TACC1: variants seen among roughly 807,000 people sequenced by gnomAD.
The protein encoded by TACC1 is transforming acidic coiled-coil containing protein 1.
In TACC1, 48 loss-of-function variants were observed where a neutral mutation model predicts 84.4. The observed-to-expected ratio is 0.57, with a 90% CI of 0.45 to 0.72. The LOEUF (loss-of-function observed/expected upper bound fraction) is 0.72. TACC1 is among the 30% of genes least tolerant of loss of function. TACC1 has a pLI of 0.00. For synonymous variants in TACC1, 372 were observed against 376.3 expected (o/e 0.99, Z 0.13); for missense variants, 920 against 973.0 (o/e 0.95, Z 0.72).
chr8:38,800,974 GT>G (rs1821219163), intron 2 of TACC1, among the ~76,000 whole-genome samples: 1 of 152,006 alleles, frequency 6.6e-6, no homozygotes, highest in Non-Finnish European at 1.5e-5. Flanking sequence ...TTTGCATTTG[GT>G]TTTCATTTGC....
At chr8:38,797,286 G>A (rs1314769677) in intron 2 of TACC1, among the ~76,000 whole-genome samples, 2 of 152,246 alleles carry the variant, frequency 1.3e-5, no homozygotes, top group East Asian at 1.9e-4. Context: ...GTACCAGGAG[G>A]TGAGACATAT....
At position 38,851,890 on chromosome 8, in the gene TACC1, T is replaced by C. The variant is rs150634182; in HGVS notation, c.*3867T>C. On this transcript the variant is annotated 3_prime_UTR_variant, in exon 13 of 13. Coordinates refer to ENST00000317827, the MANE Select transcript of TACC1 (RefSeq NM_006283.3). ...CTAAGAAGTCATCTCCTTCAAATAC[T>C]TTAATAAAGAAGTATTTCGAGGAGA... The C allele has an allele frequency of 1.1e-4, 49 of 455,920 alleles. No homozygotes were observed. The East Asian group carries it at 3.4e-3, about 32-fold the overall frequency. 28.2% of individuals were successfully genotyped at this position (455,920 alleles called of 1,614,324 possible).
At chr8:38,797,861 T>C (rs1820355659) in intron 2 of TACC1, among the ~76,000 whole-genome samples, 1 of 152,194 alleles carries the variant, frequency 6.6e-6, no homozygotes, top group Non-Finnish European at 1.5e-5. Context: ...GGGAGAAGTT[T>C]TGTGGGGAGG....
At chr8:38,741,288 T>C (rs1462286393) in intron 1 of TACC1, among the ~76,000 whole-genome samples, 2 of 151,950 alleles carry the variant, frequency 1.3e-5, no homozygotes, top group Non-Finnish European at 1.5e-5. Context: ...CCCAAGTAGC[T>C]AGGATTACAG....
chr8:38,785,210 G>A (rs1233804735), upstream of TACC1, among the ~76,000 whole-genome samples: 1 of 152,194 alleles, frequency 6.6e-6, no homozygotes, highest in Non-Finnish European at 1.5e-5. Flanking sequence ...TGTTCCCGAA[G>A]CAGTAAGCAG....
intron 2 of TACC1, among the ~76,000 whole-genome samples, chr8:38,804,230 A>C (rs1249012299): frequency 6.6e-6 from 1 of 152,020 alleles, no homozygotes; most frequent in African/African-American, 2.4e-5. Flanking sequence ...TCTAGAACAA[A>C]TTTTCATTAA....
chr8:38,777,282 AC>A (rs1469968220), intron 3 of TACC1, among the ~76,000 whole-genome samples: 1 of 150,096 alleles, frequency 6.7e-6, no homozygotes, highest in African/African-American at 2.4e-5. Flanking sequence ...GAGAAGATAG[AC>A]TTTTCTCTCT....
chr8:38,763,507 T>C (rs1477418003), intron 3 of TACC1, among the ~76,000 whole-genome samples: 2 of 152,166 alleles, frequency 1.3e-5, no homozygotes, highest in East Asian at 3.8e-4. Flanking sequence ...CTAAGGATTT[T>C]AGGAGTTGCA....
chr8:38,746,450 G>T (rs1808108049), intron 3 of TACC1, among the ~76,000 whole-genome samples: 1 of 152,090 alleles, frequency 6.6e-6, no homozygotes, highest in Non-Finnish European at 1.5e-5. Context: ...GAAGTGTTTG[G>T]TTATTATTTC....
At chr8:38,839,805 T>A (rs888537700) in intron 8 of TACC1, 13 of 159,810 alleles carry the variant, frequency 8.1e-5, no homozygotes, top group Admixed American at 1.3e-4. Flanking sequence ...AGAGGTAGAG[T>A]GTCTGAAAGG....
intron 7 of TACC1, among the ~76,000 whole-genome samples, chr8:38,838,219 C>G (rs1236351570): frequency 6.6e-6 from 1 of 152,244 alleles, no homozygotes; most frequent in African/African-American, 2.4e-5. Context: ...GTAAAGTTCA[C>G]AGAGGCTGTA....
In TACC1 at chr8:38,819,897, C is replaced by G. The variant is rs1404518478; in HGVS notation, c.653C>G (p.Ser218Cys). ...GAAGCTGATCTAAAAGCTGGCAACT[C>G]CTGTCCAGAGCTTGTGCCCAGCAGA... The part of the protein sequence containing the change: ...SAEADLKAGN[S>C]CPELVPSRRS... The change falls in exon 3 of 13, where the codon TCC (serine) becomes TGC (cysteine). Residue 218 changes from serine (S) to cysteine (C), a missense_variant. By Grantham distance (112) the Ser-to-Cys change is moderately radical. Around this residue, in one of 2 missense-constraint regions of TACC1, gnomAD observed 762 missense variants for 747.3 expected, o/e 1.02. Transcript: ENST00000317827. 3.1e-6 allele frequency: 5 copies of G among 1,614,082 alleles called. No homozygotes were observed. Among genetic ancestry groups the G allele is most frequent in the Non-Finnish European group, 4.2e-6 (5 of 1,180,056 alleles).
At position 38,836,178 on chromosome 8, in the gene TACC1, C is replaced by G. The variant is rs766032429; in HGVS notation, c.1730C>G (p.Ser577Cys). ...GSTVLGLLES[S>C]AEKAPVSVSC... ...TCCCCACAGGGGCTGCTGGAGTCCT[C>G]TGCAGAGAAGGCCCCTGTGTCGGTG... The change falls in exon 7 of 13, where the codon TCT becomes TGT. Residue 577 changes from serine to cysteine, a missense_variant. Coordinates refer to ENST00000317827, the MANE Select transcript of TACC1 (RefSeq NM_006283.3). 8 of 1,613,262 alleles carry G rather than the reference C, an allele frequency of 5.0e-6. No homozygotes were observed. The highest frequency in any genetic ancestry group is 6.8e-6 in the Non-Finnish European group (8 of 1,179,742).
At chr8:38,823,296 A>G (rs2152235030) in intron 3 of TACC1, among the ~76,000 whole-genome samples, 1 of 152,290 alleles carries the variant, frequency 6.6e-6, no homozygotes, top group East Asian at 1.9e-4. Context: ...TGGTTGTTGG[A>G]AAATATTATT....
intron 3 of TACC1, among the ~76,000 whole-genome samples, chr8:38,752,326 C>T (rs1809192286): frequency 6.6e-6 from 1 of 152,016 alleles, no homozygotes; most frequent in Admixed American, 6.6e-5. Flanking sequence ...AAAAAATTAG[C>T]CAGATGTGGT....
intron 3 of TACC1, among the ~76,000 whole-genome samples, chr8:38,774,849 A>G (rs901309645): frequency 6.6e-6 from 1 of 152,032 alleles, no homozygotes; most frequent in Non-Finnish European, 1.5e-5. Context: ...CCTCTCTACT[A>G]AAAATACAAA....
intron 5 of TACC1, 94 bp downstream of exon 5, chr8:38,827,469 A>G (rs775197421): frequency 7.6e-7 from 1 of 1,310,796 alleles, no homozygotes; most frequent in South Asian, 1.3e-5. Context: ...AGATTAAAGA[A>G]TTGGGTCACT....
intron 3 of TACC1, among the ~76,000 whole-genome samples, chr8:38,774,848 T>G (rs1000730187): frequency 6.6e-6 from 1 of 151,818 alleles, no homozygotes; most frequent in African/African-American, 2.4e-5. Flanking sequence ...CCCTCTCTAC[T>G]AAAAATACAA....
At chr8:38,828,822 C>G (rs1828670698) in intron 5 of TACC1, among the ~76,000 whole-genome samples, 1 of 152,158 alleles carries the variant, frequency 6.6e-6, no homozygotes, top group Admixed American at 6.5e-5. Context: ...AATGGTAGAA[C>G]TACATTTGAC....
Sources: gnomAD v4.1 joint callset for allele counts (sites outside exome capture counted in the v4.1 genomes callset) on GRCh38, gnomAD v4.1.1 for gene constraint, gnomAD v4.1.1 regional missense constraint, MANE v1.5 for transcripts, NCBI Gene and HGNC (gene_info 2026-07-23, HGNC 2026-07-21) for gene names.